TTC7A: variants seen among roughly 807,000 people sequenced by gnomAD.
TTC7A encodes the protein tetratricopeptide repeat domain 7A.
In TTC7A, 110 loss-of-function variants were observed where a neutral mutation model predicts 103.7. The observed-to-expected ratio is 1.06, with a 90% confidence interval of 0.91 to 1.24. The LOEUF (loss-of-function observed/expected upper bound fraction) is 1.24, where lower values mean the gene tolerates loss of function less well. TTC7A is among the 50% of genes most tolerant of loss of function. The pLI is 0.00. For synonymous variants in TTC7A, 521 were observed against 467.9 expected (o/e 1.11, Z -1.47); for missense variants, 1,340 against 1,116.3 (o/e 1.20, Z -2.86).
chr2:47,036,850 C>G (rs59280814), intron 15 of TTC7A, among the ~76,000 whole-genome samples: 3,499 of 152,304 alleles, frequency 0.023, 152 homozygotes, highest in African/African-American at 0.079. Context: ...AGAACTGTCT[C>G]TTTAAAAAAG....
rs549236013 is a variant in TTC7A, at chr2:47,073,779, G to A, written c.2433G>A (p.Thr811=). The part of the protein sequence containing the change: ...VLRDAVERQS[T]CHEAWQGLGE... ...GTGATGCCGTGGAGAGGCAGAGTAC[G>A]TGCCACGAGGCGTGGCAGGGCCTGG... The change falls in exon 20 of 20, where the codon ACG becomes ACA. Residue 811 remains threonine (T), a synonymous_variant. Coordinates refer to ENST00000319190, the MANE Select transcript of TTC7A (RefSeq NM_020458.4). The A allele has an allele frequency of 4.7e-5, 76 of 1,613,798 alleles. No individual in the cohort carries two copies. The highest frequency in any genetic ancestry group is 1.5e-4 in the African/African-American group (11 of 75,048).
At chr2:46,926,239 G>T (rs912799083) in intron 2 of TTC7A, among the ~76,000 whole-genome samples, 7 of 152,156 alleles carry the variant, frequency 4.6e-5, no homozygotes, top group African/African-American at 1.7e-4. Flanking sequence ...CTAGATGGTC[G>T]GGGAGACATA....
At chr2:47,009,407 A>G (rs1449039779) in intron 10 of TTC7A, among the ~76,000 whole-genome samples, 1 of 151,982 alleles carries the variant, frequency 6.6e-6, no homozygotes, top group African/African-American at 2.4e-5. Flanking sequence ...TTCCTGAGTG[A>G]CCGCACAACG....
At chr2:46,962,810 C>G (rs1034225054) in intron 3 of TTC7A, among the ~76,000 whole-genome samples, 1 of 152,206 alleles carries the variant, frequency 6.6e-6, no homozygotes, top group African/African-American at 2.4e-5. Context: ...GGGCAGCCCA[C>G]CCCCTGATGG....
chr2:47,024,225 C>T lies in TTC7A; in HGVS notation c.1569-62C>T, dbSNP rs375392325. 4.0e-5 allele frequency: 57 copies of T among 1,440,520 alleles called. No homozygotes were observed. In the African/African-American group the frequency reaches 7.1e-4, roughly 18 times the overall value. 89.2% of individuals were successfully genotyped at this position (1,440,520 alleles called of 1,614,324 possible). A position where few individuals can be genotyped will look rare whatever the true frequency, so the allele number is the denominator to read the frequency against. ...GCACAGGGCTGGCATGCTGGAGGCCCGAGTCACACGTTGGTCACTCAACCC... is the reference window on the plus strand; with the variant it reads ...GCACAGGGCTGGCATGCTGGAGGCCTGAGTCACACGTTGGTCACTCAACCC... On this transcript the variant is annotated intron_variant, in intron 13 of 19. Coordinates refer to ENST00000319190, the MANE Select transcript of TTC7A (RefSeq NM_020458.4).
At chr2:47,046,200 C>T (rs1358720014) in intron 15 of TTC7A, 115 bp from the exon 16 acceptor site, 2 of 778,276 alleles carry the variant, frequency 2.6e-6, no homozygotes, top group African/African-American at 1.7e-5. Flanking sequence ...TCATGGCACT[C>T]TGCTTTCTGC....
intron 3 of TTC7A, 56 bp from the exon 4 acceptor site, chr2:46,974,917 C>A: frequency 6.3e-7 from 1 of 1,594,834 alleles, no homozygotes; most frequent in Non-Finnish European, 8.6e-7. Flanking sequence ...ATGGGGAGGG[C>A]CTGGAGTCAG....
chr2:46,954,584 T>C (rs1450362308), intron 2 of TTC7A, among the ~76,000 whole-genome samples: 1 of 150,732 alleles, frequency 6.6e-6, no homozygotes, highest in Non-Finnish European at 1.5e-5. Flanking sequence ...TTTTTTTTTT[T>C]TTGAGACAAC....
chr2:46,956,087 C>A (rs1671830632), intron 2 of TTC7A, among the ~76,000 whole-genome samples: 1 of 152,230 alleles, frequency 6.6e-6, no homozygotes, highest in Non-Finnish European at 1.5e-5. Flanking sequence ...GATCCCAAGC[C>A]ACAGTAGGGG....
At chr2:46,940,399 G>A (rs1670227937), upstream of TTC7A, among the ~76,000 whole-genome samples, 1 of 152,132 alleles carries the variant, frequency 6.6e-6, no homozygotes, top group South Asian at 2.1e-4. The surrounding 1 kb of genome is among the most constrained non-coding windows in gnomAD (Gnocchi z 4.7). Flanking sequence ...CGGCGGCAGC[G>A]GGGCCGGGCC....
intron 5 of TTC7A, among the ~76,000 whole-genome samples, chr2:46,983,837 G>A (rs891139130): frequency 6.6e-6 from 1 of 152,194 alleles, no homozygotes; most frequent in Non-Finnish European, 1.5e-5. Flanking sequence ...GCACTACAGA[G>A]GTTAAGGAGT....
At chr2:46,990,984 C>T (rs1308829856) in intron 5 of TTC7A, among the ~76,000 whole-genome samples, 1 of 152,144 alleles carries the variant, frequency 6.6e-6, no homozygotes, top group Admixed American at 6.5e-5. Flanking sequence ...GCGATTTCAG[C>T]TCACTGCAAC....
intron 5 of TTC7A, among the ~76,000 whole-genome samples, chr2:46,991,966 C>T (rs529120657): frequency 6.6e-6 from 1 of 152,212 alleles, no homozygotes; most frequent in African/African-American, 2.4e-5. Flanking sequence ...AGGCAAGGGA[C>T]TTGATCTGCA....
At chr2:46,987,806 G>C (rs916474936) in intron 5 of TTC7A, among the ~76,000 whole-genome samples, 1 of 115,596 alleles carries the variant, frequency 8.7e-6, no homozygotes, top group South Asian at 2.8e-4. Flanking sequence ...GTCCCTTTCC[G>C]CGCGTGTGTG....
chr2:46,956,873 G>A lies in TTC7A; in HGVS notation c.383G>A (p.Gly128Asp). 2 of 1,614,208 alleles carry A rather than the reference G, an allele frequency of 1.2e-6. No individual in the cohort carries two copies. The highest frequency in any genetic ancestry group is 1.7e-6 in the Non-Finnish European group (2 of 1,180,036). ...QYMCEAMLIL[G>D]KLHYVEGSYR... is the part of the protein sequence containing the mutation. ...ATGTGTGAGGCCATGCTGATCCTGG[G>A]CAAACTGCATTACGTGGAGGGCTCA... The change falls in exon 3 of 20, where the codon GGC (glycine) becomes GAC (aspartate). Residue 128 changes from glycine to aspartate, a missense_variant. Coordinates refer to ENST00000319190, the MANE Select transcript of TTC7A (RefSeq NM_020458.4).
At chr2:46,933,275 A>G (rs141924219) in intron 2 of TTC7A, among the ~76,000 whole-genome samples, 3 of 152,344 alleles carry the variant, frequency 2.0e-5, no homozygotes, top group African/African-American at 7.2e-5. Context: ...CTGGAGAGAT[A>G]TTGGTATCTC....
chr2:46,956,661 C>T, intron 2 of TTC7A, 178 bp from the exon 3 acceptor site: 3 of 639,720 alleles, frequency 4.7e-6, no homozygotes, highest in Non-Finnish European at 8.3e-6. Context: ...ATGTAGGCTG[C>T]AGACCATGGG....
chr2:46,951,776 T>C (rs575607617), intron 2 of TTC7A: 51 of 409,938 alleles, frequency 1.2e-4, no homozygotes, highest in Admixed American at 1.2e-3. Flanking sequence ...CAACGTACTG[T>C]GTGCAAGGCA....
Position 47,050,029 on chromosome 2 carries a change from C to T in TTC7A, c.2000C>T (p.Ala667Val), listed in dbSNP as rs561491427. The change falls in exon 17 of 20, where the codon GCC becomes GTC. Residue 667 changes from alanine (A) to valine (V), a missense_variant. By Grantham distance (64) the Ala-to-Val change is moderately conservative (BLOSUM62 0). Coordinates refer to ENST00000319190, the MANE Select transcript of TTC7A (RefSeq NM_020458.4). ...GGCATGCACCTGACTTTGCCTGATG[C>T]CCATGATGCAGACTCTGGTAAGAAC... ...QSGMHLTLPD[A>V]HDADSGSRRA... is the part of the protein sequence containing the mutation. 6.2e-6 allele frequency: 10 copies of T among 1,613,784 alleles called. No homozygotes were observed. In the African/African-American group the frequency reaches 6.7e-5, roughly 11 times the overall value.
Sources: allele counts gnomAD v4.1 joint callset (sites outside exome capture counted in the v4.1 genomes callset), GRCh38; gene constraint gnomAD v4.1.1; non-coding constraint Gnocchi (gnomAD v3.1); transcripts MANE v1.5; gene names NCBI Gene and HGNC (gene_info 2026-07-23, HGNC 2026-07-21).